The following LARP6 variants were observed in gnomAD, a reference collection of about 807,000 sequenced individuals.
The protein encoded by LARP6 is La ribonucleoprotein 6, translational regulator, also known as la-related protein 6.
In LARP6, 18 loss-of-function variants were observed where a neutral mutation model predicts 32.8. That is an observed-to-expected ratio of 0.55 (90% CI 0.38 to 0.81). The LOEUF (loss-of-function observed/expected upper bound fraction) is 0.81, where lower values mean the gene tolerates loss of function less well. Ranked by LOEUF, LARP6 falls within the 40% of genes least tolerant of loss-of-function variation. The probability of loss-of-function intolerance (pLI) is 0.00; values close to 1 mark genes in which losing one functional copy is unlikely to be tolerated. For missense variants in LARP6, 598 were observed against 663.1 expected (o/e 0.90, Z 1.08); for synonymous variants, 289 against 267.2 (o/e 1.08, Z -0.80).
Position 70,833,011 on chromosome 15 carries a change from C to T in LARP6, c.517G>A (p.Val173Ile), listed in dbSNP as rs139763338. 341 of 1,613,208 alleles carry T rather than the reference C, an allele frequency of 2.1e-4. No individual in the cohort carries two copies. The highest frequency in any genetic ancestry group is 3.3e-4 in the Middle Eastern group (2 of 6,056). ...DHRKVRRTTP[V>I]PLFPNENLPS... ...AGGTTCTCGTTGGGGAACAGTGGGA[C>T]GGGGGTGGTCCTCCTCACCTTCCGG... Residue 173 changes from valine (V) to isoleucine (I), a missense_variant, in exon 3 of 3, where the codon GTC becomes ATC. Around this residue, in one of 3 missense-constraint regions of LARP6, gnomAD observed 69 missense variants for 116.7 expected, o/e 0.59. Transcript: ENST00000299213.
At chr15:70,852,387 G>A (rs2032493233) in intron 1 of LARP6, 1 of 417,834 alleles carries the variant, frequency 2.4e-6, no homozygotes, top group Non-Finnish European at 4.8e-6. Flanking sequence ...CTGAGGCTTG[G>A]TTTCTCCTAG....
At position 70,853,982 on chromosome 15, in the gene LARP6, T is replaced by A. The variant is rs1334282248; in HGVS notation, c.107A>T (p.Glu36Val). The A allele has an allele frequency of 6.8e-7, 1 of 1,459,924 alleles. No homozygotes were observed. The highest frequency in any genetic ancestry group is 1.3e-5 in the South Asian group (1 of 75,318). 90.4% of individuals were successfully genotyped at this position (1,459,924 alleles called of 1,614,324 possible). ...CCCGGCGCCCCGAGTCTCCGCCCCC[T>A]CCTCCTCGTCCTCCAACTCGTCCAC... ...EDVDELEDEE[E>V]GAETRGAGDP... The change falls in exon 1 of 3, where the codon GAG becomes GTG. Residue 36 changes from glutamate (E) to valine (V), a missense_variant. By Grantham distance (121) the Glu-to-Val change is moderately radical. Coordinates refer to ENST00000299213, the MANE Select transcript of LARP6 (RefSeq NM_018357.4).
chr15:70,842,669 C>A (rs2032278541), intron 1 of LARP6, among the ~76,000 whole-genome samples: 1 of 152,332 alleles, frequency 6.6e-6, no homozygotes, highest in Non-Finnish European at 1.5e-5. Context: ...GGGAAGCTGA[C>A]CTTCCTTTCA....
chr15:70,840,141 G>A (rs537743020), intron 1 of LARP6, among the ~76,000 whole-genome samples: 24 of 152,290 alleles, frequency 1.6e-4, no homozygotes, highest in Admixed American at 1.3e-3. Flanking sequence ...ATGCCGAAGG[G>A]AAAACATCAG....
chr15:70,837,010 C>T (rs1164050779), intron 1 of LARP6, among the ~76,000 whole-genome samples: 1 of 152,086 alleles, frequency 6.6e-6, no homozygotes, highest in Admixed American at 6.6e-5. Flanking sequence ...CACATGGCCA[C>T]AGAAGGAGAG....
chr15:70,831,995 A>T lies in LARP6; in HGVS notation c.*57T>A. 7.9e-7 allele frequency: 1 copy of T among 1,272,688 alleles called. No homozygotes were observed. Among genetic ancestry groups the T allele is most frequent in the South Asian group, 1.8e-5 (1 of 56,976 alleles). The allele number at this position is 1,272,688 out of a possible 1,614,324, so 78.8% of individuals were successfully genotyped here. On this transcript the variant is annotated 3_prime_UTR_variant, in exon 3 of 3. Transcript: ENST00000299213. ...CATTCTGTCATGCCAGGTGTTTGTC[A>T]GAACCTTGAAAACGAAGGTGGTTTT...
chr15:70,838,514 C>A (rs191205921), intron 1 of LARP6, among the ~76,000 whole-genome samples: 1 of 152,204 alleles, frequency 6.6e-6, no homozygotes, highest in East Asian at 1.9e-4. Flanking sequence ...ACTCTGGAAA[C>A]AATCCCATCA....
At chr15:70,850,632 C>T (rs911640256) in intron 1 of LARP6, among the ~76,000 whole-genome samples, 5 of 152,190 alleles carry the variant, frequency 3.3e-5, no homozygotes, top group East Asian at 1.9e-4. Context: ...ACAACCTGTA[C>T]GATGGAGAAA....
At chr15:70,847,189 G>A (rs999590990) in intron 1 of LARP6, among the ~76,000 whole-genome samples, 1 of 152,112 alleles carries the variant, frequency 6.6e-6, no homozygotes, top group African/African-American at 2.4e-5. Flanking sequence ...GCTCTTAGTG[G>A]CCTTTCAAGG....
chr15:70,840,374 T>C (rs1281463626), intron 1 of LARP6, among the ~76,000 whole-genome samples: 1 of 152,102 alleles, frequency 6.6e-6, no homozygotes, highest in Admixed American at 6.6e-5. Flanking sequence ...ACCCCATCTC[T>C]ACCAAAAATA....
intron 1 of LARP6, chr15:70,853,281 G>A (rs1420148394): frequency 1.3e-5 from 2 of 148,632 alleles, no homozygotes; most frequent in Admixed American, 6.9e-5. Context: ...GAAAGGCTGT[G>A]TGAAAATGGG....
At chr15:70,849,488 T>G (rs1450238931) in intron 1 of LARP6, 1 of 152,240 alleles carries the variant, frequency 6.6e-6, no homozygotes, top group African/African-American at 2.4e-5. Flanking sequence ...GGTCTTAGTT[T>G]CTAAATACTT....
chr15:70,851,402 A>G, intron 1 of LARP6: 3 of 1,108,096 alleles, frequency 2.7e-6, no homozygotes, highest in Non-Finnish European at 3.4e-6. Flanking sequence ...TTAATGAAGG[A>G]GATGTGGGGA....
intron 2 of LARP6, among the ~76,000 whole-genome samples, 165 bp downstream of exon 2, chr15:70,836,130 C>G (rs2032142266): frequency 6.6e-6 from 1 of 152,142 alleles, no homozygotes; most frequent in Admixed American, 6.5e-5. Flanking sequence ...ATATTCCTAA[C>G]AATACTAAAT....
intron 1 of LARP6, among the ~76,000 whole-genome samples, 155 bp downstream of exon 1, chr15:70,853,734 T>C (rs1473582395): frequency 6.6e-6 from 1 of 152,148 alleles, no homozygotes; most frequent in East Asian, 1.9e-4. Context: ...GGGCCGGTTC[T>C]GACTCAGGGG....
chr15:70,831,426 T>A lies in LARP6; in HGVS notation c.*626A>T, dbSNP rs1371316868. 1 of 152,176 alleles carries A rather than the reference T, an allele frequency of 6.6e-6. No homozygotes were observed. The highest frequency in any genetic ancestry group is 1.9e-4 in the East Asian group (1 of 5,200). 9.4% of individuals were successfully genotyped at this position (152,176 alleles called of 1,614,324 possible). Reference sequence around the variant, plus strand: ...ATAAAAAAATTTTTAAATGTTCTCTTAAAGAAAAGAAAGATGTCTCTGCTA... The same window carrying A: ...ATAAAAAAATTTTTAAATGTTCTCTAAAAGAAAAGAAAGATGTCTCTGCTA... On this transcript the variant is annotated 3_prime_UTR_variant, in exon 3 of 3. Coordinates refer to ENST00000299213, the MANE Select transcript of LARP6 (RefSeq NM_018357.4).
Position 70,853,962 on chromosome 15 carries a change from C to A in LARP6, c.127G>T (p.Ala43Ser). The A allele has an allele frequency of 1.4e-6, 2 of 1,455,750 alleles. No individual in the cohort carries two copies. Among genetic ancestry groups the A allele is most frequent in the Non-Finnish European group, 1.8e-6 (2 of 1,099,020 alleles). 90.2% of individuals were successfully genotyped at this position (1,455,750 alleles called of 1,614,324 possible). ...DEEEGAETRG[A>S]GDPARYLSPG... ...CTGAGGTACCGGGCCGGGTCCCCGG[C>A]GCCCCGAGTCTCCGCCCCCTCCTCC... Residue 43 changes from alanine (A) to serine (S), a missense_variant, in exon 1 of 3, where the codon GCC (alanine) becomes TCC (serine). Transcript: ENST00000299213.
chr15:70,839,250 C>A (rs933383827), intron 1 of LARP6, among the ~76,000 whole-genome samples: 4 of 151,924 alleles, frequency 2.6e-5, no homozygotes, highest in African/African-American at 9.7e-5. Flanking sequence ...ACCAGCCTGG[C>A]CAACATGGTG....
rs1191554119 is a variant in LARP6, at chr15:70,840,991, GC to G, written c.201-4487del. 5.8e-4 allele frequency among the ~76,000 whole-genome samples: 86 copies of G among 149,046 alleles called. No homozygotes were observed. The East Asian group carries it at 0.017, about 29-fold the overall frequency. On this transcript the variant is annotated intron_variant, in intron 1 of 2. Transcript: ENST00000299213. Reference sequence around the variant, plus strand: ...TGCAGTGGCACTGTCTCGGCTCACTGCAAGCTCCGCCTCCTGGGTTCATGCC... The same window carrying G: ...TGCAGTGGCACTGTCTCGGCTCACTGAAGCTCCGCCTCCTGGGTTCATGCC...
Sources: gnomAD v4.1 joint callset for allele counts (sites outside exome capture counted in the v4.1 genomes callset) on GRCh38, gnomAD v4.1.1 for gene constraint, gnomAD v4.1.1 regional missense constraint, MANE v1.5 for transcripts, NCBI Gene and HGNC (gene_info 2026-07-23, HGNC 2026-07-21) for gene names.